Variants in DCC observed in about 807,000 individuals in gnomAD.
The protein encoded by DCC is netrin receptor DCC.
DCC carries 58 observed loss-of-function variants against 172.5 expected under a neutral mutation model. The ratio of observed to expected loss-of-function variants is 0.34; its 90% CI spans 0.27 to 0.42. The LOEUF (loss-of-function observed/expected upper bound fraction) is 0.42, where lower values mean the gene tolerates loss of function less well. DCC is among the 10% of genes least tolerant of loss of function. DCC has a pLI of 1.00. For synonymous variants in DCC, 709 were observed against 644.5 expected, an observed-to-expected ratio of 1.10 and a Z score of -1.52; for missense variants, 1,740 against 1,791.0, an observed-to-expected ratio of 0.97 and a Z score of 0.51.
intron 12 of DCC, among the ~76,000 whole-genome samples, chr18:53,247,034 G>T (rs1452398558): frequency 6.6e-6 from 1 of 151,968 alleles, no homozygotes; most frequent in East Asian, 1.9e-4. Flanking sequence ...CAAAGAAATG[G>T]GAGCATCTGG....
intron 1 of DCC, among the ~76,000 whole-genome samples, chr18:52,682,461 C>T (rs72914224): frequency 0.15 from 22,077 of 151,886 alleles, 1,915 homozygotes; most frequent in Admixed American, 0.25. Flanking sequence ...ATTCCAGGAA[C>T]GTGAAGAAGA....
At chr18:52,980,629 A>G (rs779698568) in intron 5 of DCC, among the ~76,000 whole-genome samples, 3 of 151,930 alleles carry the variant, frequency 2.0e-5, no homozygotes, top group Non-Finnish European at 4.4e-5. Flanking sequence ...AAATTGTGAC[A>G]TTTTCATAGC....
At chr18:52,740,680 G>A (rs188417584) in intron 1 of DCC, among the ~76,000 whole-genome samples, 3 of 152,240 alleles carry the variant, frequency 2.0e-5, no homozygotes, top group African/African-American at 4.8e-5. Context: ...AGCAGCCCAC[G>A]CTTTGTCAGC....
At chr18:53,231,476 A>G (rs1429639460) in intron 12 of DCC, among the ~76,000 whole-genome samples, 2 of 152,186 alleles carry the variant, frequency 1.3e-5, no homozygotes, top group Non-Finnish European at 1.5e-5. Flanking sequence ...AATGCAGCAC[A>G]TACTAGCTTC....
intron 1 of DCC, among the ~76,000 whole-genome samples, chr18:52,409,789 C>G (rs1466087644): frequency 6.6e-6 from 1 of 152,090 alleles, no homozygotes; most frequent in Non-Finnish European, 1.5e-5. Context: ...AATGTCATGA[C>G]TGGTCATCAA....
At chr18:53,380,838 A>G (rs938032981) in intron 15 of DCC, among the ~76,000 whole-genome samples, 4 of 152,178 alleles carry the variant, frequency 2.6e-5, no homozygotes, top group African/African-American at 9.6e-5. Context: ...AAGTGTGTTT[A>G]CTTTTTACGG....
intron 1 of DCC, among the ~76,000 whole-genome samples, chr18:52,467,090 C>T (rs773791204): frequency 2.6e-5 from 4 of 151,614 alleles, no homozygotes; most frequent in Non-Finnish European, 2.9e-5. Context: ...GATACATGTG[C>T]GGAATGTGCA....
At chr18:53,085,666 AT>A (rs760687523) in intron 7 of DCC, among the ~76,000 whole-genome samples, 2,559 of 149,682 alleles carry the variant, frequency 0.017, 81 homozygotes, top group African/African-American at 0.058. Context: ...ACTTGTGCAC[AT>A]TTTTTTTTTA....
chr18:53,347,419 G>T (rs1044608956), intron 15 of DCC, among the ~76,000 whole-genome samples: 1 of 152,126 alleles, frequency 6.6e-6, no homozygotes, highest in Non-Finnish European at 1.5e-5. Context: ...GAGCCAAAAA[G>T]AGCTTACACC....
Position 53,427,922 on chromosome 18 carries a change from TATATA to T in DCC, c.3164-7206_3164-7202del, listed in dbSNP as rs368231881. Among the ~76,000 whole-genome samples the T allele has an allele frequency of 9.5e-4, 71 of 74,702 alleles. 13 individuals are homozygous for T. The highest frequency in any genetic ancestry group is 2.0e-3 in the East Asian group (7 of 3,518). 49.0% of individuals were successfully genotyped at this position (74,702 alleles called of 152,430 possible). On this transcript the variant is annotated intron_variant, in intron 21 of 28. Transcript: ENST00000442544. ...TTATATATAATATATAATAATATAA[TATATA>T]ATATAATATAATATATTATAATATA...
At chr18:53,072,768 A>G (rs978988677) in intron 7 of DCC, among the ~76,000 whole-genome samples, 13 of 152,202 alleles carry the variant, frequency 8.5e-5, no homozygotes, top group Non-Finnish European at 1.6e-4. Context: ...TATAGGGTCT[A>G]TGTCTTATGT....
chr18:53,364,291 G>C (rs1474118770), intron 15 of DCC, among the ~76,000 whole-genome samples: 1 of 152,000 alleles, frequency 6.6e-6, no homozygotes, highest in Non-Finnish European at 1.5e-5. Context: ...GATTAAATAG[G>C]TAAAGTATAT....
At chr18:52,607,266 C>T (rs2034152116) in intron 1 of DCC, among the ~76,000 whole-genome samples, 1 of 152,110 alleles carries the variant, frequency 6.6e-6, no homozygotes, top group Non-Finnish European at 1.5e-5. Flanking sequence ...ATCACTTTTG[C>T]TCTGGGGCCA....
intron 25 of DCC, among the ~76,000 whole-genome samples, chr18:53,474,798 G>A (rs1264602932): frequency 2.6e-5 from 4 of 152,214 alleles, no homozygotes; most frequent in Non-Finnish European, 5.9e-5. Flanking sequence ...CAAAAATGTG[G>A]AAGTGACTTT....
At chr18:53,416,020 GC>G in intron 20 of DCC, 103 bp from the exon 21 acceptor site, 1 of 815,548 alleles carries the variant, frequency 1.2e-6, no homozygotes, top group South Asian at 1.4e-5. Context: ...GAGGGCACTA[GC>G]TTTGAAATAA....
intron 7 of DCC, among the ~76,000 whole-genome samples, chr18:53,123,549 C>T (rs376626045): frequency 2.0e-5 from 3 of 152,160 alleles, no homozygotes; most frequent in African/African-American, 7.2e-5. Flanking sequence ...CATTTAATGA[C>T]TTCTTAGTTT....
intron 1 of DCC, among the ~76,000 whole-genome samples, chr18:52,464,009 G>A (rs1465503904): frequency 1.3e-5 from 2 of 152,074 alleles, no homozygotes; most frequent in Non-Finnish European, 2.9e-5. Flanking sequence ...GTCCTCTTCA[G>A]CCTCATACCT....
At chr18:52,660,298 G>T (rs536416596) in intron 1 of DCC, among the ~76,000 whole-genome samples, 2 of 152,196 alleles carry the variant, frequency 1.3e-5, no homozygotes, top group Admixed American at 6.5e-5. Flanking sequence ...TGTGTGCAAA[G>T]TTCCTCCATA....
chr18:52,713,228 A>G (rs949784268), intron 1 of DCC, among the ~76,000 whole-genome samples: 2 of 152,194 alleles, frequency 1.3e-5, no homozygotes, highest in Non-Finnish European at 2.9e-5. Context: ...ATTATAAACT[A>G]GCCAAGGGAA....
Sources: allele counts gnomAD v4.1 joint callset (sites outside exome capture counted in the v4.1 genomes callset), GRCh38; gene constraint gnomAD v4.1.1; transcripts MANE v1.5; gene names NCBI Gene and HGNC (gene_info 2026-07-23, HGNC 2026-07-21).